CBLN2: variants seen among roughly 807,000 people sequenced by gnomAD.
CBLN2 encodes cerebellin-2.
A neutral mutation model predicts 15.0 loss-of-function variants in CBLN2; 7 were observed. The observed-to-expected ratio is 0.47, with a 90% CI of 0.27 to 0.88. The LOEUF (loss-of-function observed/expected upper bound fraction) is 0.88. Among genes scored for constraint, CBLN2 ranks in the 40% least tolerant of loss-of-function variants. CBLN2 has a pLI of 0.14. For synonymous variants in CBLN2, 149 were observed against 135.2 expected (o/e 1.10, Z -0.71); for missense variants, 242 against 304.5 (o/e 0.79, Z 1.53).
chr18:72,626,664 T>C (rs618863), intron 1 of CBLN2, among the ~76,000 whole-genome samples: 146,988 of 152,194 alleles, frequency 0.97, 71,146 homozygotes, highest in Non-Finnish European at 1. Flanking sequence ...TGCACCACTG[T>C]ACTCCAACCT....
chr18:72,584,240 G>T (rs2069425970), intron 1 of CBLN2, among the ~76,000 whole-genome samples: 1 of 151,662 alleles, frequency 6.6e-6, no homozygotes, highest in South Asian at 2.1e-4. Context: ...TTAGTCAGTG[G>T]CCTTCCTCCT....
At chr18:72,559,669 A>T (rs1015681753) in intron 1 of CBLN2, among the ~76,000 whole-genome samples, 1 of 152,262 alleles carries the variant, frequency 6.6e-6, no homozygotes, top group African/African-American at 2.4e-5. Context: ...GGTGGCCGGC[A>T]TTTAAAATGA....
rs572964559 is a variant in CBLN2, at chr18:72,541,810, G to C, written c.351C>G (p.Phe117Leu). The C allele has an allele frequency of 1.3e-6, 2 of 1,555,322 alleles. No individual in the cohort carries two copies. Among genetic ancestry groups the C allele is most frequent in the African/African-American group, 2.7e-5 (2 of 72,760 alleles). The change falls in exon 3 of 5, where the codon TTC becomes TTG. Residue 117 changes from phenylalanine to leucine, a missense_variant. By Grantham distance (22) the Phe-to-Leu change is conservative. Transcript: ENST00000269503. The stretch of plus-strand genomic sequence containing the variant: ...GGGCAGGCCGACGGCTGACCTGGTC[G>C]AAATAGATGGTCATGGTGCGGTTGC... ...EMSNRTMTIY[F>L]DQVLVNIGNH...
upstream of CBLN2, among the ~76,000 whole-genome samples, chr18:72,548,431 T>C (rs2069172190): frequency 6.6e-6 from 1 of 152,202 alleles, no homozygotes; most frequent in Non-Finnish European, 1.5e-5. Flanking sequence ...CCAAAGGGAA[T>C]ATTAAGGAAA....
intron 1 of CBLN2, among the ~76,000 whole-genome samples, chr18:72,556,898 A>G (rs1408757247): frequency 6.6e-6 from 1 of 152,156 alleles, no homozygotes; most frequent in Non-Finnish European, 1.5e-5. Context: ...ATAGCTAAGG[A>G]TCTGAGAAAA....
rs192721485 is a variant in CBLN2, at chr18:72,571,627, T to A, written c.16-32855A>T. On this transcript the variant is annotated intron_variant, in intron 1 of 2. Coordinates refer to the CBLN2 transcript ENST00000581073. ...TTTAATTCTGATGTGAACAGGCCCCTTAACTACTTGTGTCCACCACTGTCC... is the reference window on the plus strand; with the variant it reads ...TTTAATTCTGATGTGAACAGGCCCCATAACTACTTGTGTCCACCACTGTCC... Among the ~76,000 whole-genome samples, 4 of 152,326 alleles carry A rather than the reference T, an allele frequency of 2.6e-5. No homozygotes were observed. In the East Asian group the frequency reaches 7.7e-4, roughly 29 times the overall value.
chr18:72,634,608 AGTG>A (rs1319805814), intron 1 of CBLN2, among the ~76,000 whole-genome samples: 2 of 152,164 alleles, frequency 1.3e-5, no homozygotes, highest in Non-Finnish European at 2.9e-5. Flanking sequence ...GTGTTAGACA[AGTG>A]GTATTAATAT....
At chr18:72,624,071 A>T (rs181478508) in intron 1 of CBLN2, among the ~76,000 whole-genome samples, 1 of 152,236 alleles carries the variant, frequency 6.6e-6, no homozygotes, top group East Asian at 1.9e-4. Context: ...TCTTCATCTC[A>T]TTCAGAAAGT....
At chr18:72,620,157 G>A (rs1405960363) in intron 1 of CBLN2, 1 of 152,366 alleles carries the variant, frequency 6.6e-6, no homozygotes, top group Non-Finnish European at 1.5e-5. Context: ...ATCCATCCAT[G>A]GACAGCTTAA....
intron 1 of CBLN2, among the ~76,000 whole-genome samples, chr18:72,583,727 T>G (rs901602931): frequency 6.6e-6 from 1 of 152,220 alleles, no homozygotes; most frequent in African/African-American, 2.4e-5. Context: ...TTACCACTTA[T>G]AGTAATAATG....
chr18:72,559,988 A>T (rs917341802), intron 1 of CBLN2, among the ~76,000 whole-genome samples: 7 of 152,208 alleles, frequency 4.6e-5, no homozygotes, highest in African/African-American at 1.7e-4. Context: ...TTCTTTCCAT[A>T]GGAATAATAA....
intron 1 of CBLN2, among the ~76,000 whole-genome samples, chr18:72,564,992 A>G (rs563563743): frequency 1.3e-5 from 2 of 152,212 alleles, no homozygotes; most frequent in East Asian, 3.8e-4. Flanking sequence ...GAGAAGACAT[A>G]AAGTGTTGTG....
intron 1 of CBLN2, among the ~76,000 whole-genome samples, chr18:72,607,695 TTCTCTCTTTC>T (rs1407970397): frequency 5.2e-5 from 6 of 115,182 alleles, no homozygotes; most frequent in African/African-American, 3.0e-4. Flanking sequence ...CTCTCTCTCT[TTCTCTCTTTC>T]TCTCTCTCTC....
intron 1 of CBLN2, among the ~76,000 whole-genome samples, chr18:72,621,878 C>G (rs1357914441): frequency 3.3e-5 from 5 of 152,096 alleles, no homozygotes. Context: ...TGGAAAAAAA[C>G]AGTTTTTCAG....
At chr18:72,597,675 G>A (rs2069522126) in intron 1 of CBLN2, among the ~76,000 whole-genome samples, 1 of 152,192 alleles carries the variant, frequency 6.6e-6, no homozygotes, top group Admixed American at 6.5e-5. Context: ...TGCTGTCTGT[G>A]AACAAGGGCT....
chr18:72,550,707 C>CTT (rs1177034180), intron 1 of CBLN2, among the ~76,000 whole-genome samples: 1 of 145,782 alleles, frequency 6.9e-6, no homozygotes, highest in Non-Finnish European at 1.5e-5. Flanking sequence ...TTTTCTTTTT[C>CTT]TTTTTTTTTT....
At chr18:72,571,031 A>G (rs1174656533) in intron 1 of CBLN2, among the ~76,000 whole-genome samples, 1 of 152,106 alleles carries the variant, frequency 6.6e-6, no homozygotes, top group African/African-American at 2.4e-5. Flanking sequence ...ATCATATTAT[A>G]TATGTATGTT....
At chr18:72,598,644 T>G (rs370970292) in intron 1 of CBLN2, among the ~76,000 whole-genome samples, 18 of 152,208 alleles carry the variant, frequency 1.2e-4, no homozygotes, top group East Asian at 1.2e-3. Context: ...GTTGTAGTCC[T>G]TGTGTCCTAG....
chr18:72,570,647 T>A (rs537078358), intron 1 of CBLN2, among the ~76,000 whole-genome samples: 2 of 152,066 alleles, frequency 1.3e-5, no homozygotes, highest in Non-Finnish European at 2.9e-5. Flanking sequence ...TTGGGAAGAC[T>A]AGATAGCACA....
Sources: allele counts gnomAD v4.1 joint callset (sites outside exome capture counted in the v4.1 genomes callset), GRCh38; gene constraint gnomAD v4.1.1; transcripts MANE v1.5; gene names NCBI Gene and HGNC (gene_info 2026-07-23, HGNC 2026-07-21).